PTPRU: variants seen among roughly 807,000 people sequenced by gnomAD.
The protein encoded by PTPRU is receptor-type tyrosine-protein phosphatase U.
A neutral mutation model predicts 166.3 loss-of-function variants in PTPRU; 69 were observed. The ratio of observed to expected loss-of-function variants is 0.41; its 90% confidence interval spans 0.34 to 0.51. The LOEUF (loss-of-function observed/expected upper bound fraction) is 0.51, where lower values mean the gene tolerates loss of function less well. Ranked by LOEUF, PTPRU falls within the 20% of genes least tolerant of loss-of-function variation. The probability of loss-of-function intolerance (pLI) is 0.09; values close to 1 mark genes in which losing one functional copy is unlikely to be tolerated. For synonymous variants in PTPRU, 793 were observed against 814.0 expected (o/e 0.97, Z 0.44); for missense variants, 1,657 against 2,013.7 (o/e 0.82, Z 3.39).
chr1:29,263,827 A>G (rs945029548), intron 7 of PTPRU, among the ~76,000 whole-genome samples: 3 of 152,126 alleles, frequency 2.0e-5, no homozygotes, highest in Non-Finnish European at 1.5e-5. Flanking sequence ...AAAATGACCA[A>G]TTTTTAAGTT....
rs1185894442 is a variant in PTPRU, at chr1:29,320,404, T to C, written c.3688-281T>C. 11 of 346,642 alleles carry C rather than the reference T, an allele frequency of 3.2e-5. No homozygotes were observed. The highest frequency in any genetic ancestry group is 5.2e-5 in the Non-Finnish European group (10 of 193,212). 21.5% of individuals were successfully genotyped at this position (346,642 alleles called of 1,614,324 possible). On this transcript the variant is annotated intron_variant, in intron 25 of 29. Coordinates refer to ENST00000373779, the MANE Select transcript of PTPRU (RefSeq NM_133178.4). This position sits in a 1 kb window ranked among gnomAD's most constrained non-coding sequence, Gnocchi z 5.2. ...AGCTCGGCCAGCCTCTGCCTTGAGCTCAGCCTCATGCCCAAGCTCCCCTCG... is the reference window on the plus strand; with the variant it reads ...AGCTCGGCCAGCCTCTGCCTTGAGCCCAGCCTCATGCCCAAGCTCCCCTCG...
intron 2 of PTPRU, among the ~76,000 whole-genome samples, chr1:29,256,875 A>T (rs1270423209): frequency 6.6e-6 from 1 of 152,156 alleles, no homozygotes; most frequent in Non-Finnish European, 1.5e-5. Context: ...AAGCAGAGAC[A>T]TACCCAGTGA....
chr1:29,297,620 C>T lies in PTPRU; in HGVS notation c.2476+5594C>T, dbSNP rs554543435. On this transcript the variant is annotated intron_variant, in intron 15 of 29. Transcript: ENST00000373779. ...GTGTGGTGATAGGCATGGGAGGAGA[C>T]AGGGAGAGGTGTGACTGCACTAAAT... Among the ~76,000 whole-genome samples, 4 of 152,246 alleles carry T rather than the reference C, an allele frequency of 2.6e-5. No homozygotes were observed. The South Asian group carries it at 6.2e-4, about 24-fold the overall frequency.
At position 29,311,186 on chromosome 1, in the gene PTPRU, A is replaced by G. The variant is rs567697798; in HGVS notation, c.2858-270A>G. 3.3e-5 allele frequency among the ~76,000 whole-genome samples: 5 copies of G among 152,000 alleles called. No homozygotes were observed. Among genetic ancestry groups the G allele is most frequent in the Non-Finnish European group, 7.4e-5 (5 of 67,986 alleles). ...GTCCATCTGTCTGTCCCTCCTGGAC[A>G]CTCATGCCATTGCCCAACCATCTGG... is the stretch of plus-strand genomic sequence containing the variant. On this transcript the variant is annotated intron_variant, in intron 19 of 29. Coordinates refer to ENST00000373779, the MANE Select transcript of PTPRU (RefSeq NM_133178.4). This position sits in a 1 kb window ranked among gnomAD's most constrained non-coding sequence, Gnocchi z 4.1.
At chr1:29,282,991 G>A (rs542645920) in intron 12 of PTPRU, 42 bp downstream of exon 12, 9 of 975,510 alleles carry the variant, frequency 9.2e-6, no homozygotes, top group Non-Finnish European at 1.1e-5. Context: ...GGTTGGGTGT[G>A]GGGGGATGGC....
chr1:29,276,884 G>A (rs1685829883), intron 8 of PTPRU, among the ~76,000 whole-genome samples: 1 of 151,934 alleles, frequency 6.6e-6, no homozygotes, highest in African/African-American at 2.4e-5. Context: ...TTAATACTGA[G>A]CCCTTCTTCA....
chr1:29,256,985 C>T (rs573426707), intron 2 of PTPRU, among the ~76,000 whole-genome samples: 69 of 152,104 alleles, frequency 4.5e-4, no homozygotes, highest in African/African-American at 1.5e-3. Flanking sequence ...TCCTGGTTCT[C>T]ACATTCTAGG....
At chr1:29,250,086 C>A (rs1051064649) in intron 1 of PTPRU, among the ~76,000 whole-genome samples, 30 of 152,272 alleles carry the variant, frequency 2.0e-4, no homozygotes, top group African/African-American at 7.0e-4. Flanking sequence ...CTCTACCTAT[C>A]CTTCTTGGCT....
intron 1 of PTPRU, among the ~76,000 whole-genome samples, chr1:29,248,646 A>G (rs1684401618): frequency 6.6e-6 from 1 of 152,132 alleles, no homozygotes; most frequent in African/African-American, 2.4e-5. Context: ...TTGCAGCTGC[A>G]GCCGCATTGG....
chr1:29,296,514 T>C (rs1376754225), intron 15 of PTPRU, among the ~76,000 whole-genome samples: 2 of 151,292 alleles, frequency 1.3e-5, no homozygotes, highest in Non-Finnish European at 2.9e-5. Context: ...CTTTTTTTTT[T>C]TTTTTTCTTT....
intron 7 of PTPRU, among the ~76,000 whole-genome samples, chr1:29,267,216 A>G (rs1415767062): frequency 1.3e-5 from 2 of 152,186 alleles, no homozygotes; most frequent in African/African-American, 4.8e-5. Context: ...ATGACAGATC[A>G]AGATCTTATC....
At position 29,280,970 on chromosome 1, in the gene PTPRU, T is replaced by C. The variant is rs1214621923; in HGVS notation, c.1868+829T>C. 6.6e-6 allele frequency among the ~76,000 whole-genome samples: 1 copy of C among 152,168 alleles called. No individual in the cohort carries two copies. The stretch of plus-strand genomic sequence containing the variant: ...TCACTTGCCCTCAAGGCCACACAGC[T>C]AGTAAGTGGTGGAGCTGGGATTTGG... On this transcript the variant is annotated intron_variant, in intron 11 of 29. Coordinates refer to ENST00000373779, the MANE Select transcript of PTPRU (RefSeq NM_133178.4). The surrounding 1 kb of genome is among the most constrained non-coding windows in gnomAD (Gnocchi z 4.2).
rs374921173 is a variant in PTPRU, at chr1:29,293,568, G to T, written c.2476+1542G>T. Among the ~76,000 whole-genome samples the T allele has an allele frequency of 3.1e-4, 46 of 146,972 alleles. No individual in the cohort carries two copies. In the South Asian group the frequency reaches 9.3e-3, roughly 30 times the overall value. On this transcript the variant is annotated intron_variant, in intron 15 of 29. Coordinates refer to ENST00000373779, the MANE Select transcript of PTPRU (RefSeq NM_133178.4). ...CCGCTCACTGCAAGCTCCGCCTCCCGCATTCATGCCATTCTTCTGCCTCAG... is the reference window on the plus strand; with the variant it reads ...CCGCTCACTGCAAGCTCCGCCTCCCTCATTCATGCCATTCTTCTGCCTCAG...
intron 1 of PTPRU, among the ~76,000 whole-genome samples, chr1:29,239,433 A>G (rs2151936936): frequency 6.6e-6 from 1 of 152,290 alleles, no homozygotes; most frequent in South Asian, 2.1e-4. Context: ...TTGTCTGGGC[A>G]TCCCTCCCTT....
intron 28 of PTPRU, 94 bp from the exon 29 acceptor site, chr1:29,325,097 C>G: frequency 6.6e-7 from 1 of 1,526,572 alleles, no homozygotes; most frequent in South Asian, 1.2e-5. Context: ...TCCCTCTCCT[C>G]TAGGCTCTCT....
Position 29,312,559 on chromosome 1 carries a change from A to T in PTPRU, c.3080A>T (p.Tyr1027Phe). 1.3e-6 allele frequency: 2 copies of T among 1,588,102 alleles called. No homozygotes were observed. Among genetic ancestry groups the T allele is most frequent in the African/African-American group, 1.3e-5 (1 of 74,600 alleles). Residue 1027 changes from tyrosine to phenylalanine, a missense_variant, in exon 22 of 30, where the codon TAC (tyrosine) becomes TTC (phenylalanine). Transcript: ENST00000373779. ...TTCCCATTGTCTCCCCAGAGAGGCT[A>T]CTCTGCCCGGCACGAGGTCCGCCAG... ...VRTFALERRGYSARHEVRQFH... is the reference protein window; with the variant it reads ...VRTFALERRGFSARHEVRQFH...
intron 14 of PTPRU, among the ~76,000 whole-genome samples, chr1:29,286,559 AG>A (rs1230731644): frequency 6.6e-6 from 1 of 152,156 alleles, no homozygotes; most frequent in East Asian, 1.9e-4. Context: ...CAGAATGGCA[AG>A]CCCCTGACTT....
At chr1:29,310,613 T>G (rs55935753) in intron 18 of PTPRU, 131 bp from the exon 19 acceptor site, 30,046 of 939,390 alleles carry the variant, frequency 0.032, 718 homozygotes, top group Middle Eastern at 0.073. Context: ...GCTTAGGAGG[T>G]CCTAGGGATG....
rs529148014 is a variant in PTPRU, at chr1:29,293,530, A to G, written c.2476+1504A>G. 5.2e-4 allele frequency among the ~76,000 whole-genome samples: 77 copies of G among 147,420 alleles called. 1 individual carries two copies. The highest frequency in any genetic ancestry group is 1.9e-3 in the African/African-American group (75 of 39,804). On this transcript the variant is annotated intron_variant, in intron 15 of 29. Coordinates refer to ENST00000373779, the MANE Select transcript of PTPRU (RefSeq NM_133178.4). ...CCCTCTGTCACCCAGGCTGGAGTGC[A>G]GTGGCGCAATCTCCGCTCACTGCAA...
Sources: allele counts gnomAD v4.1 joint callset (sites outside exome capture counted in the v4.1 genomes callset), GRCh38; gene constraint gnomAD v4.1.1; non-coding constraint Gnocchi (gnomAD v3.1); transcripts MANE v1.5; gene names NCBI Gene and HGNC (gene_info 2026-07-23, HGNC 2026-07-21).